LSAMP: variants seen among roughly 807,000 people sequenced by gnomAD.
LSAMP encodes the protein limbic system associated membrane protein.
A neutral mutation model predicts 38.6 loss-of-function variants in LSAMP; 7 were observed. The observed-to-expected ratio is 0.18, with a 90% CI of 0.10 to 0.34. The LOEUF (loss-of-function observed/expected upper bound fraction) is 0.34. LSAMP is among the 10% of genes least tolerant of loss of function. The probability of loss-of-function intolerance (pLI) is 1.00; values close to 1 mark genes in which losing one functional copy is unlikely to be tolerated. For missense variants in LSAMP, 313 were observed against 420.0 expected (o/e 0.75, Z 2.23); for synonymous variants, 154 against 166.8 (o/e 0.92, Z 0.59).
At chr3:115,817,223 A>C (rs1171219441) in intron 6 of LSAMP, among the ~76,000 whole-genome samples, 3 of 152,244 alleles carry the variant, frequency 2.0e-5, no homozygotes, top group Non-Finnish European at 4.4e-5. Flanking sequence ...TCTTGTTAAA[A>C]ATAGCATCTT....
intron 1 of LSAMP, among the ~76,000 whole-genome samples, chr3:116,148,101 C>T (rs1357149223): frequency 2.0e-5 from 3 of 148,910 alleles, no homozygotes; most frequent in African/African-American, 7.5e-5. Flanking sequence ...TTTGCTTGTT[C>T]TACAAAAACA....
chr3:116,429,704 G>A (rs1369955936), intron 1 of LSAMP, among the ~76,000 whole-genome samples: 1 of 152,152 alleles, frequency 6.6e-6, no homozygotes, highest in Non-Finnish European at 1.5e-5. Flanking sequence ...AGTTCCGGCA[G>A]GGTTCAGAGG....
At chr3:116,270,929 A>G (rs918243217) in intron 1 of LSAMP, among the ~76,000 whole-genome samples, 2 of 152,162 alleles carry the variant, frequency 1.3e-5, no homozygotes, top group African/African-American at 4.8e-5. Context: ...AAGCTTGCTT[A>G]CTTCTCCAGA....
chr3:116,420,088 C>A (rs1357263822), intron 1 of LSAMP, among the ~76,000 whole-genome samples: 2 of 151,240 alleles, frequency 1.3e-5, no homozygotes, highest in African/African-American at 4.8e-5. Context: ...TTTTCTTTTT[C>A]TCTTTTTCTT....
At chr3:116,210,984 G>A (rs1208066873) in intron 1 of LSAMP, among the ~76,000 whole-genome samples, 1 of 151,502 alleles carries the variant, frequency 6.6e-6, no homozygotes, top group Non-Finnish European at 1.5e-5. Flanking sequence ...TACACACAAT[G>A]GAATACTACT....
chr3:116,011,040 G>T (rs1576305183), intron 3 of LSAMP, among the ~76,000 whole-genome samples: 1 of 148,848 alleles, frequency 6.7e-6, no homozygotes, highest in East Asian at 1.9e-4. Context: ...GTCTCACTCT[G>T]TTGCCCAGGC....
chr3:116,099,105 T>G (rs1344747302), intron 1 of LSAMP, among the ~76,000 whole-genome samples: 1 of 152,194 alleles, frequency 6.6e-6, no homozygotes, highest in African/African-American at 2.4e-5. Context: ...GCATTCACCA[T>G]GTAAGTTCCT....
intron 6 of LSAMP, among the ~76,000 whole-genome samples, chr3:115,822,976 T>A (rs1325582465): frequency 1.3e-5 from 2 of 152,234 alleles, no homozygotes; most frequent in African/African-American, 4.8e-5. Flanking sequence ...AATTCCTTGT[T>A]GAATGAATGA....
chr3:116,382,492 C>T (rs776726464), intron 1 of LSAMP, among the ~76,000 whole-genome samples: 7 of 128,842 alleles, frequency 5.4e-5, no homozygotes, highest in South Asian at 2.5e-4. Flanking sequence ...CATCACACAC[C>T]GGGGCCTGTC....
chr3:116,140,083 A>G (rs980643949), intron 1 of LSAMP, among the ~76,000 whole-genome samples: 2 of 152,040 alleles, frequency 1.3e-5, no homozygotes, highest in African/African-American at 4.8e-5. Context: ...TAGACCTCTC[A>G]AAATAAGAAA....
chr3:115,848,994 A>C (rs1935246528), intron 4 of LSAMP, among the ~76,000 whole-genome samples: 1 of 152,234 alleles, frequency 6.6e-6, no homozygotes, highest in East Asian at 1.9e-4. Flanking sequence ...AGTCAAGCTC[A>C]AAAGTAGTTA....
rs963297336 is a variant in LSAMP at position 116,182,128 on chromosome 3, G to A, written c.156-95572C>T. ...TTTGAAAAGTTCTTTTAAATTAAAA[G>A]GACTAGAAATCATTCTCCCATGGAA... On this transcript the variant is annotated intron_variant, in intron 1 of 6. Transcript: ENST00000490035. Among the ~76,000 whole-genome samples, 31 of 151,806 alleles carry A rather than the reference G, an allele frequency of 2.0e-4. 1 individual carries two copies. Among genetic ancestry groups the A allele is most frequent in the South Asian group, 2.1e-4 (1 of 4,824 alleles).
chr3:115,918,712 T>TG (rs1333872231), intron 3 of LSAMP, among the ~76,000 whole-genome samples: 1 of 151,412 alleles, frequency 6.6e-6, no homozygotes, highest in African/African-American at 2.4e-5. Flanking sequence ...AACAGGTTTT[T>TG]TTTTTTTTTT....
intron 3 of LSAMP, among the ~76,000 whole-genome samples, chr3:115,857,113 C>G (rs1559853285): frequency 6.6e-6 from 1 of 152,212 alleles, no homozygotes; most frequent in Non-Finnish European, 1.5e-5. Flanking sequence ...GAGGAATTAT[C>G]TGCCATGTGG....
intron 3 of LSAMP, among the ~76,000 whole-genome samples, chr3:115,934,148 G>A (rs996509861): frequency 6.6e-6 from 1 of 150,458 alleles, no homozygotes; most frequent in Non-Finnish European, 1.5e-5. Context: ...TAGTTGATGT[G>A]GTGTTTTATT....
intron 2 of LSAMP, among the ~76,000 whole-genome samples, chr3:116,041,337 TAATG>T (rs1195613093): frequency 2.0e-5 from 3 of 152,146 alleles, no homozygotes; most frequent in Non-Finnish European, 4.4e-5. Flanking sequence ...AGTTGCTTGT[TAATG>T]AACATCAATT....
At chr3:116,033,826 G>A (rs557358864) in intron 2 of LSAMP, among the ~76,000 whole-genome samples, 8 of 152,252 alleles carry the variant, frequency 5.3e-5, no homozygotes, top group Non-Finnish European at 1.0e-4. Context: ...GGTGTGGGGA[G>A]AACGTGATGC....
At chr3:116,233,324 A>G (rs144826434) in intron 1 of LSAMP, among the ~76,000 whole-genome samples, 229 of 145,552 alleles carry the variant, frequency 1.6e-3, no homozygotes, top group African/African-American at 5.7e-3. Context: ...GAGGCAGGAG[A>G]ATGGCGTGAA....
intron 5 of LSAMP, 72 bp from the exon 6 acceptor site, chr3:115,842,065 C>T: frequency 6.8e-7 from 1 of 1,463,050 alleles, no homozygotes; most frequent in Non-Finnish European, 9.3e-7. Flanking sequence ...CTTTCCCCAT[C>T]CTGACACTGG....
Sources: gnomAD v4.1 joint callset for allele counts (sites outside exome capture counted in the v4.1 genomes callset) on GRCh38, gnomAD v4.1.1 for gene constraint, MANE v1.5 for transcripts, NCBI Gene and HGNC (gene_info 2026-07-23, HGNC 2026-07-21) for gene names.